Variants in FLRT2 observed in about 807,000 individuals in gnomAD.
FLRT2 encodes the protein fibronectin leucine rich transmembrane protein 2, also known as leucine-rich repeat transmembrane protein FLRT2.
In FLRT2, 15 loss-of-function variants were observed where a neutral mutation model predicts 40.0. The ratio of observed to expected loss-of-function variants is 0.38; its 90% CI spans 0.25 to 0.58. The LOEUF (loss-of-function observed/expected upper bound fraction) is 0.58. Ranked by LOEUF, FLRT2 falls within the 20% of genes least tolerant of loss-of-function variation. The pLI, the probability that FLRT2 is intolerant of heterozygous loss-of-function variation, is 0.71. For missense variants in FLRT2, 726 were observed against 840.0 expected (o/e 0.86, Z 1.68); for synonymous variants, 380 against 336.8 (o/e 1.13, Z -1.41).
At chr14:85,544,251 T>A (rs1001375095) in intron 1 of FLRT2, among the ~76,000 whole-genome samples, 1 of 152,170 alleles carries the variant, frequency 6.6e-6, no homozygotes, top group Admixed American at 6.6e-5. Context: ...AAACCACACA[T>A]GAGGCAATTC....
chr14:85,609,809 G>T (rs924792973), intron 1 of FLRT2, among the ~76,000 whole-genome samples: 5 of 152,188 alleles, frequency 3.3e-5, no homozygotes, highest in Admixed American at 1.3e-4. Context: ...TTCTAGAAAC[G>T]TGTCAAACTC....
At chr14:85,613,435 C>G (rs1163787041) in intron 1 of FLRT2, among the ~76,000 whole-genome samples, 1 of 152,170 alleles carries the variant, frequency 6.6e-6, no homozygotes, top group Non-Finnish European at 1.5e-5. Context: ...CATCTAGTTT[C>G]TTTATGCCCA....
At chr14:85,604,853 T>G (rs1412573723) in intron 1 of FLRT2, among the ~76,000 whole-genome samples, 2 of 151,946 alleles carry the variant, frequency 1.3e-5, no homozygotes, top group Non-Finnish European at 2.9e-5. Context: ...AGGGGTGAAG[T>G]GGGTGGGGGT....
At chr14:85,592,130 G>T (rs1891915717) in intron 1 of FLRT2, among the ~76,000 whole-genome samples, 1 of 136,376 alleles carries the variant, frequency 7.3e-6, no homozygotes. Context: ...GATGTGACAG[G>T]AAGAAAACAA....
intron 1 of FLRT2, among the ~76,000 whole-genome samples, chr14:85,542,024 T>C (rs919598416): frequency 3.9e-5 from 6 of 152,204 alleles, no homozygotes; most frequent in African/African-American, 1.4e-4. Context: ...CATGAAAATA[T>C]TTTATTGTAG....
At chr14:85,585,791 G>T (rs913810362) in intron 1 of FLRT2, among the ~76,000 whole-genome samples, 1 of 152,002 alleles carries the variant, frequency 6.6e-6, no homozygotes, top group Non-Finnish European at 1.5e-5. Flanking sequence ...GGGCCCTTGC[G>T]GCACCTGCCA....
intron 1 of FLRT2, among the ~76,000 whole-genome samples, chr14:85,555,583 C>T (rs1032396857): frequency 3.7e-4 from 57 of 152,178 alleles, no homozygotes; most frequent in Non-Finnish European, 6.9e-4. Flanking sequence ...CCAGGTCCCT[C>T]CCATAACCGG....
intron 1 of FLRT2, among the ~76,000 whole-genome samples, chr14:85,570,144 A>G (rs917290698): frequency 6.6e-6 from 1 of 152,156 alleles, no homozygotes; most frequent in African/African-American, 2.4e-5. Context: ...TTGACACATA[A>G]ATTGTACCCT....
Position 85,626,478 on chromosome 14 carries a change from A to T in FLRT2, c.*2981A>T, listed in dbSNP as rs180677420. ...TCTGATCCCATTCAGAGCTTGGTAA[A>T]TGTCACTGTACAGAAGACATTGAAA... On this transcript the variant is annotated 3_prime_UTR_variant, in exon 2 of 2. Coordinates refer to ENST00000330753, the MANE Select transcript of FLRT2 (RefSeq NM_013231.6). 2.4e-5 allele frequency: 4 copies of T among 167,196 alleles called. No homozygotes were observed. The highest frequency in any genetic ancestry group is 9.6e-5 in the African/African-American group (4 of 41,574). 10.4% of individuals were successfully genotyped at this position (167,196 alleles called of 1,614,324 possible).
At chr14:85,532,940 A>G (rs1296231865) in intron 1 of FLRT2, among the ~76,000 whole-genome samples, 1 of 152,156 alleles carries the variant, frequency 6.6e-6, no homozygotes, top group Non-Finnish European at 1.5e-5. Flanking sequence ...CATTATCCCT[A>G]AGGACTGGTG....
intron 1 of FLRT2, among the ~76,000 whole-genome samples, chr14:85,570,750 T>G (rs368628702): frequency 6.4e-4 from 97 of 151,488 alleles, no homozygotes; most frequent in African/African-American, 2.3e-3. Context: ...CCTGGCTAAT[T>G]TTTTGTATTT....
rs1893936328 is a variant in FLRT2 at position 85,633,661 on chromosome 14, G to A, written c.*10164G>A. Reference sequence around the variant, plus strand: ...AAAAAAAAAAAAAAATTAGCCAGGAGTGGTGGCATGTGCCTATAGTCCCAG... The same window carrying A: ...AAAAAAAAAAAAAAATTAGCCAGGAATGGTGGCATGTGCCTATAGTCCCAG... On this transcript the variant is annotated 3_prime_UTR_variant, in exon 2 of 2. Transcript: ENST00000330753. 6.6e-6 allele frequency: 1 copy of A among 151,392 alleles called. No homozygotes were observed. The highest frequency in any genetic ancestry group is 6.6e-5 in the Admixed American group (1 of 15,142). The allele number at this position is 151,392 out of a possible 1,614,324, so 9.4% of individuals were successfully genotyped here. A position where few individuals can be genotyped will look rare whatever the true frequency, so the allele number is the denominator to read the frequency against.
At chr14:85,613,175 A>AATTCAT (rs942490057) in intron 1 of FLRT2, among the ~76,000 whole-genome samples, 27 of 152,154 alleles carry the variant, frequency 1.8e-4, no homozygotes, top group African/African-American at 6.5e-4. Context: ...TATAAGTAAA[A>AATTCAT]ATTCATATTT....
In FLRT2 at chr14:85,547,325, C is replaced by CT. The variant is rs57883277; in HGVS notation, c.-377+16806dup. ...TACTTTGTCTTTCTTTTCTTTCTTT[C>CT]TTTTTTTTTTTTTTTGAGATGGAGT... On this transcript the variant is annotated intron_variant, in intron 1 of 1. Coordinates refer to ENST00000330753, the MANE Select transcript of FLRT2 (RefSeq NM_013231.6). 2.7e-3 allele frequency among the ~76,000 whole-genome samples: 380 copies of CT among 139,330 alleles called. 10 individuals carry two copies. In the East Asian group the frequency reaches 0.049, roughly 18 times the overall value. 91.4% of individuals were successfully genotyped at this position (139,330 alleles called of 152,430 possible).
intron 1 of FLRT2, among the ~76,000 whole-genome samples, chr14:85,610,014 C>T (rs1460557419): frequency 6.6e-6 from 1 of 152,072 alleles, no homozygotes; most frequent in Non-Finnish European, 1.5e-5. Context: ...CTGTGCCTTC[C>T]CCAGTGGAAG....
At position 85,645,618 on chromosome 14, in the gene FLRT2, C is replaced by G. The variant is rs1415435034; in HGVS notation, c.*22121C>G. The G allele has an allele frequency of 6.6e-6, 1 of 152,124 alleles. No homozygotes were observed. The highest frequency in any genetic ancestry group is 2.4e-5 in the African/African-American group (1 of 41,404). 9.4% of individuals were successfully genotyped at this position (152,124 alleles called of 1,614,324 possible). On this transcript the variant is annotated 3_prime_UTR_variant, in exon 2 of 2. Transcript: ENST00000330753. ...CGTGTTAAGGATTGTTCATAAGTGG[C>G]AGAACCTATGAGAATATTCATGCCA...
intron 1 of FLRT2, among the ~76,000 whole-genome samples, chr14:85,547,107 G>T (rs1197908874): frequency 1.3e-5 from 2 of 151,228 alleles, no homozygotes; most frequent in African/African-American, 4.9e-5. Flanking sequence ...CCTCATTCTT[G>T]TGCTGACAAT....
At chr14:85,619,953 T>C (rs1371755529) in intron 1 of FLRT2, among the ~76,000 whole-genome samples, 1 of 152,184 alleles carries the variant, frequency 6.6e-6, no homozygotes, top group Non-Finnish European at 1.5e-5. Context: ...GGAAGGAAGG[T>C]GGTGCTGTTG....
chr14:85,550,304 T>C (rs1889538806), intron 1 of FLRT2, among the ~76,000 whole-genome samples: 1 of 152,018 alleles, frequency 6.6e-6, no homozygotes, highest in Non-Finnish European at 1.5e-5. Flanking sequence ...AAGTACGAGA[T>C]TCTAAGAATG....
Sources: allele counts gnomAD v4.1 joint callset (sites outside exome capture counted in the v4.1 genomes callset), GRCh38; gene constraint gnomAD v4.1.1; transcripts MANE v1.5; gene names NCBI Gene and HGNC (gene_info 2026-07-23, HGNC 2026-07-21).